Variants in DUSP22 observed in about 807,000 individuals in gnomAD.
DUSP22 encodes dual specificity protein phosphatase 22.
In DUSP22, 24 loss-of-function variants were observed where a neutral mutation model predicts 24.5. The observed-to-expected ratio is 0.98, with a 90% CI of 0.71 to 1.38. The LOEUF (loss-of-function observed/expected upper bound fraction) is 1.38. DUSP22 is among the 40% of genes most tolerant of loss of function. The pLI, the probability that DUSP22 is intolerant of heterozygous loss-of-function variation, is 0.00. For missense variants in DUSP22, 330 were observed against 269.2 expected, an observed-to-expected ratio of 1.23 and a Z score of -1.58; for synonymous variants, 160 against 106.4, an observed-to-expected ratio of 1.50 and a Z score of -3.10.
At position 351,329 on chromosome 6, in the gene DUSP22, A is replaced by C. The variant is rs1486384618; in HGVS notation, c.*2378A>C. 1.2e-5 allele frequency: 2 copies of C among 170,152 alleles called. No homozygotes were observed. Among genetic ancestry groups the C allele is most frequent in the African/African-American group, 4.8e-5 (2 of 41,854 alleles). The allele number at this position is 170,152 out of a possible 1,614,324, so 10.5% of individuals were successfully genotyped here. ...TGACCGAAAGCTCTATGTTTTCGTT[A>C]ATAAAGGGCAACTTAGCCAAGTTTA... is the stretch of plus-strand genomic sequence containing the variant. On this transcript the variant is annotated 3_prime_UTR_variant, in exon 7 of 7. Coordinates refer to ENST00000419235, the MANE Select transcript of DUSP22 (RefSeq NM_001286555.3).
intron 1 of DUSP22, among the ~76,000 whole-genome samples, chr6:300,658 G>C (rs1298170282): frequency 6.6e-6 from 1 of 152,302 alleles, no homozygotes; most frequent in Non-Finnish European, 1.5e-5. Flanking sequence ...GGTTGAGCTG[G>C]TCCTAGCAGG....
At chr6:312,086 A>T (rs1758136549) in intron 3 of DUSP22, 124 bp downstream of exon 3, 5 of 1,066,908 alleles carry the variant, frequency 4.7e-6, no homozygotes, top group Non-Finnish European at 6.7e-6. Context: ...CTCTGGCGGC[A>T]TTCCCATTGT....
Position 341,091 on chromosome 6 carries a change from C to G in DUSP22, c.189-4763C>G, listed in dbSNP as rs1442495864. Among the ~76,000 whole-genome samples, 6 of 152,424 alleles carry G rather than the reference C, an allele frequency of 3.9e-5. No individual in the cohort carries two copies. In the East Asian group the frequency reaches 1.2e-3, roughly 29 times the overall value. On this transcript the variant is annotated intron_variant, in intron 4 of 6. Coordinates refer to ENST00000419235, the MANE Select transcript of DUSP22 (RefSeq NM_001286555.3). ...GGTGACTGGGCAGTTTGCGAGTCCCCTCTCCCTGGAGGTGCCCCTGCTGCA... is the reference window on the plus strand; with the variant it reads ...GGTGACTGGGCAGTTTGCGAGTCCCGTCTCCCTGGAGGTGCCCCTGCTGCA...
chr6:324,529 C>T (rs1758759878), intron 3 of DUSP22, among the ~76,000 whole-genome samples: 1 of 152,308 alleles, frequency 6.6e-6, no homozygotes, highest in African/African-American at 2.4e-5. Flanking sequence ...TCTCATTTCT[C>T]TCCACTCTCC....
intron 1 of DUSP22, among the ~76,000 whole-genome samples, chr6:294,705 T>C (rs1412149329): frequency 2.0e-5 from 3 of 152,290 alleles, no homozygotes; most frequent in African/African-American, 7.2e-5. Flanking sequence ...CATTTTGGAC[T>C]AGCCACATTT....
intron 2 of DUSP22, 98 bp from the exon 3 acceptor site, chr6:311,782 C>A: frequency 2.3e-6 from 3 of 1,296,028 alleles, no homozygotes; most frequent in Non-Finnish European, 3.2e-6. Flanking sequence ...AAGAAATATG[C>A]AAGTCATTTT....
intron 4 of DUSP22, among the ~76,000 whole-genome samples, chr6:345,191 T>TA (rs1434078177): frequency 2.0e-5 from 3 of 152,192 alleles, no homozygotes; most frequent in Non-Finnish European, 4.4e-5. Context: ...GAGCTTTCAG[T>TA]AAACCACAGG....
intron 3 of DUSP22, among the ~76,000 whole-genome samples, chr6:327,494 T>G (rs1288646846): frequency 6.6e-6 from 1 of 152,310 alleles, no homozygotes; most frequent in Non-Finnish European, 1.5e-5. Context: ...CTTTCTTCAT[T>G]TGGAACCGTT....
chr6:330,693 C>A (rs1227470131), intron 3 of DUSP22, among the ~76,000 whole-genome samples: 1 of 152,300 alleles, frequency 6.6e-6, no homozygotes, highest in Non-Finnish European at 1.5e-5. Flanking sequence ...TGGACTCAGG[C>A]AGCTCTAAGC....
chr6:347,476 G>A (rs931618795), intron 5 of DUSP22, among the ~76,000 whole-genome samples: 12 of 152,410 alleles, frequency 7.9e-5, no homozygotes, highest in African/African-American at 2.4e-4. Flanking sequence ...CATGTAAAAC[G>A]GGTCTCACTC....
At chr6:314,309 C>T (rs971830580) in intron 3 of DUSP22, among the ~76,000 whole-genome samples, 21 of 152,300 alleles carry the variant, frequency 1.4e-4, no homozygotes, top group Admixed American at 1.3e-4. Context: ...CTGGGCAGCC[C>T]CAGGCTGGGG....
chr6:301,223 A>G (rs1261815023), intron 1 of DUSP22, among the ~76,000 whole-genome samples: 2 of 152,278 alleles, frequency 1.3e-5, no homozygotes, highest in African/African-American at 2.4e-5. Context: ...ATAAATGGCC[A>G]TTACAGGGTT....
At chr6:312,758 G>GT (rs1372088729) in intron 3 of DUSP22, among the ~76,000 whole-genome samples, 3 of 152,294 alleles carry the variant, frequency 2.0e-5, no homozygotes, top group East Asian at 1.9e-4. Flanking sequence ...AGTAGGTAAT[G>GT]TTTTTTATTT....
intron 3 of DUSP22, among the ~76,000 whole-genome samples, chr6:333,522 A>C (rs545624831): frequency 1.4e-3 from 207 of 152,308 alleles, no homozygotes; most frequent in Non-Finnish European, 1.8e-3. Context: ...TGGATGAGGC[A>C]AGAGGGAATT....
intron 3 of DUSP22, among the ~76,000 whole-genome samples, chr6:322,664 A>C (rs1414879588): frequency 6.6e-6 from 1 of 152,360 alleles, no homozygotes; most frequent in South Asian, 2.1e-4. Flanking sequence ...AACCAAGGAG[A>C]ATATCCGTGG....
Position 349,758 on chromosome 6 carries a change from T to G in DUSP22, c.*807T>G, listed in dbSNP as rs1352071204. Reference sequence around the variant, plus strand: ...GCTGAGGGTTCCCTAGCGCCTTGAGTCAAGGCCACTTTTCAGCCCATCGAG... The same window carrying G: ...GCTGAGGGTTCCCTAGCGCCTTGAGGCAAGGCCACTTTTCAGCCCATCGAG... On this transcript the variant is annotated 3_prime_UTR_variant, in exon 7 of 7. Transcript: ENST00000419235. 3 of 983,278 alleles carry G rather than the reference T, an allele frequency of 3.1e-6. No homozygotes were observed. Among genetic ancestry groups the G allele is most frequent in the Non-Finnish European group, 3.6e-6 (3 of 828,578 alleles). The allele number at this position is 983,278 out of a possible 1,614,324, so 60.9% of individuals were successfully genotyped here.
At chr6:346,770 C>G (rs1042464428) in intron 5 of DUSP22, among the ~76,000 whole-genome samples, 1 of 152,308 alleles carries the variant, frequency 6.6e-6, no homozygotes, top group Non-Finnish European at 1.5e-5. Flanking sequence ...ACTGTAAGCT[C>G]TTTAGGACTG....
chr6:342,988 C>G (rs1359762192), intron 4 of DUSP22, among the ~76,000 whole-genome samples: 1 of 152,304 alleles, frequency 6.6e-6, no homozygotes, highest in African/African-American at 2.4e-5. Context: ...CTACCCAGCT[C>G]TTTGCTGGGG....
At chr6:322,295 C>T (rs1450564258) in intron 3 of DUSP22, among the ~76,000 whole-genome samples, 1 of 152,306 alleles carries the variant, frequency 6.6e-6, no homozygotes, top group Non-Finnish European at 1.5e-5. Flanking sequence ...ATGGAATTCA[C>T]AGCCTGTGAA....
Sources: gnomAD v4.1 joint callset for allele counts (sites outside exome capture counted in the v4.1 genomes callset) on GRCh38, gnomAD v4.1.1 for gene constraint, MANE v1.5 for transcripts, NCBI Gene and HGNC (gene_info 2026-07-23, HGNC 2026-07-21) for gene names.